Variants in SON observed in about 807,000 individuals in gnomAD.
SON encodes protein SON.
In SON, 4 loss-of-function variants were observed where a neutral mutation model predicts 173.3. The ratio of observed to expected loss-of-function variants is 0.02; its 90% confidence interval spans 0.01 to 0.05. The LOEUF (loss-of-function observed/expected upper bound fraction) is 0.05. SON is among the 10% of genes least tolerant of loss of function. The pLI is 1.00. For synonymous variants in SON, 1,190 were observed against 1,105.9 expected (o/e 1.08, Z -1.51); for missense variants, 2,626 against 3,055.3 (o/e 0.86, Z 3.31).
At chr21:33,575,448 AAG>A (rs751050454) in intron 9 of SON, 146 bp from the exon 10 acceptor site, 2 of 510,690 alleles carry the variant, frequency 3.9e-6, no homozygotes, top group South Asian at 6.8e-5. Flanking sequence ...AAAGAGAAGA[AAG>A]AGAAGATTGA....
intron 2 of SON, among the ~76,000 whole-genome samples, chr21:33,548,003 G>A (rs367926363): frequency 2.0e-5 from 3 of 152,020 alleles, no homozygotes; most frequent in Admixed American, 6.5e-5. Flanking sequence ...GATTACAGGC[G>A]TGAGCCACAG....
In SON at chr21:33,573,334, A is replaced by C; in HGVS notation, c.6912A>C (p.Val2304=). 6.2e-7 allele frequency: 1 copy of C among 1,611,688 alleles called. No homozygotes were observed. Among genetic ancestry groups the C allele is most frequent in the Non-Finnish European group, 8.5e-7 (1 of 1,179,114 alleles). Reference sequence around the variant, plus strand: ...ATCAGTTCTTAAGAGCAGCCCCGGTAACTGGAGGAATGGGAGCCGTTTTGA... The same window carrying C: ...ATCAGTTCTTAAGAGCAGCCCCGGTCACTGGAGGAATGGGAGCCGTTTTGA... The part of the protein sequence containing the change: ...KKDQFLRAAP[V]TGGMGAVLMR... The change falls in exon 9 of 12, where the codon GTA becomes GTC. Residue 2304 remains valine (V), a synonymous_variant. Coordinates refer to ENST00000356577, the MANE Select transcript of SON (RefSeq NM_138927.4).
intron 7 of SON, among the ~76,000 whole-genome samples, chr21:33,568,247 C>G (rs1350015516): frequency 6.6e-6 from 1 of 152,230 alleles, no homozygotes; most frequent in African/African-American, 2.4e-5. Context: ...TATCCCAGCA[C>G]TTTGAAAGGC....
chr21:33,576,959 A>G lies in SON; in HGVS notation c.*535A>G, dbSNP rs2086415319. On this transcript the variant is annotated 3_prime_UTR_variant, in exon 12 of 12. Coordinates refer to ENST00000356577, the MANE Select transcript of SON (RefSeq NM_138927.4). ...AGTGAAGGGCTGTGCACCTTGTACT[A>G]TTTCACAATGGGTTCTGCTGGACAG... 2 of 195,800 alleles carry G rather than the reference A, an allele frequency of 1.0e-5. No individual in the cohort carries two copies. Among genetic ancestry groups the G allele is most frequent in the South Asian group, 1.9e-4 (2 of 10,646 alleles). 12.1% of individuals were successfully genotyped at this position (195,800 alleles called of 1,614,324 possible).
intron 9 of SON, among the ~76,000 whole-genome samples, chr21:33,573,722 T>C (rs890161126): frequency 5.3e-5 from 8 of 152,240 alleles, no homozygotes; most frequent in Non-Finnish European, 1.0e-4. Flanking sequence ...AATTTTATTA[T>C]TACACCTCCA....
rs1426551396 is a variant in SON, at chr21:33,554,626, A to G, written c.5395A>G (p.Thr1799Ala). 3.7e-6 allele frequency: 6 copies of G among 1,613,440 alleles called. No individual in the cohort carries two copies. Among genetic ancestry groups the G allele is most frequent in the Admixed American group, 3.3e-5 (2 of 59,880 alleles). ...DYEIFVKVKDTHEKSKKNKNR... is the reference protein window; with the variant it reads ...DYEIFVKVKDAHEKSKKNKNR... ...TGAAATTTTTGTAAAAGTTAAGGAC[A>G]CTCACGAAAAAAGCAAGAAAAATAA... The change falls in exon 3 of 12, where the codon ACT (threonine) becomes GCT (alanine). Residue 1799 changes from threonine to alanine, a missense_variant. Physicochemically the swap from Thr to Ala is moderately conservative, Grantham distance 58. Around this residue, in one of 13 missense-constraint regions of SON, gnomAD observed 1,006 missense variants for 895.6 expected, o/e 1.12. Coordinates refer to ENST00000356577, the MANE Select transcript of SON (RefSeq NM_138927.4).
intron 4 of SON, chr21:33,557,702 A>G: frequency 7.0e-6 from 10 of 1,438,198 alleles, no homozygotes; most frequent in Non-Finnish European, 9.1e-6. Flanking sequence ...AGACACAGAC[A>G]ATCTTCAGAA....
chr21:33,546,290 C>T lies in SON; in HGVS notation c.155C>T (p.Ser52Phe). 1 of 1,613,600 alleles carries T rather than the reference C, an allele frequency of 6.2e-7. No individual in the cohort carries two copies. Among genetic ancestry groups the T allele is most frequent in the Non-Finnish European group, 8.5e-7 (1 of 1,179,634 alleles). The change falls in exon 2 of 12, where the codon TCT becomes TTT. Residue 52 changes from serine (S) to phenylalanine (F), a missense_variant. By Grantham distance (155) the Ser-to-Phe change is radical. Transcript: ENST00000356577. ...AACCAGGCGGGTGATGCAGCTGCCT[C>T]TGCCAGGAGTCTACCAAATGAAGAA... ...EGNQAGDAAA[S>F]ARSLPNEEIV... is the part of the protein sequence containing the mutation.
chr21:33,543,209 T>TGGG, intron 1 of SON, 40 bp downstream of exon 1: 1 of 1,543,792 alleles, frequency 6.5e-7, no homozygotes, highest in Non-Finnish European at 9.0e-7. Flanking sequence ...AACGGACCGT[T>TGGG]AGGCCCTCAC....
In SON at chr21:33,551,244, G is replaced by A; in HGVS notation, c.2013G>A (p.Gln671=). 6.2e-7 allele frequency: 1 copy of A among 1,614,160 alleles called. No homozygotes were observed. Among genetic ancestry groups the A allele is most frequent in the Non-Finnish European group, 8.5e-7 (1 of 1,179,996 alleles). The change falls in exon 3 of 12, where the codon CAG becomes CAA. Residue 671 remains glutamine (Q), a synonymous_variant. Transcript: ENST00000356577. ...AGCTGTCAACGATGACCGTGTCGCA[G>A]TCCCTGGAGGTGCCCTCGACGACAG... ...TSELSTMTVS[Q]SLEVPSTTAL...
At chr21:33,556,582 C>G (rs2085970733) in intron 3 of SON, among the ~76,000 whole-genome samples, 1 of 151,948 alleles carries the variant, frequency 6.6e-6, no homozygotes, top group East Asian at 1.9e-4. Flanking sequence ...GGTGTGGTGG[C>G]ACGCGCCTGT....
Position 33,573,440 on chromosome 21 carries a change from A to C in SON, c.7018A>C (p.Lys2340Gln). ...GNKEPILVDFKTDRKGLVAVG... is the reference protein window; with the variant it reads ...GNKEPILVDFQTDRKGLVAVG... The stretch of plus-strand genomic sequence containing the variant: ...TAAGGAACCCATCCTAGTTGATTTT[A>C]AGACAGACCGAAAAGGTAACAAGTT... The change falls in exon 9 of 12, where the codon AAG becomes CAG. Residue 2340 changes from lysine (K) to glutamine (Q), a missense_variant. This residue lies in a region of SON where 9 missense variants were observed against 100.5 expected (regional missense o/e 0.09). Transcript: ENST00000356577. 1.2e-6 allele frequency: 2 copies of C among 1,610,894 alleles called. No homozygotes were observed. The highest frequency in any genetic ancestry group is 1.7e-6 in the Non-Finnish European group (2 of 1,178,912).
chr21:33,576,322 T>C (rs769081047), intron 11 of SON, 43 bp from the exon 12 acceptor site: 1 of 935,612 alleles, frequency 1.1e-6, no homozygotes, highest in South Asian at 1.3e-5. Flanking sequence ...CTAATAGATA[T>C]TAAAGTTTGA....
At chr21:33,557,636 T>C (rs77182183) in intron 4 of SON, 1 of 1,543,492 alleles carries the variant, frequency 6.5e-7, no homozygotes, top group East Asian at 2.4e-5. Flanking sequence ...GCCTACAGTT[T>C]CGTTTCCATT....
rs199949713 is a variant in SON at position 33,566,547 on chromosome 21, A to G, written c.6658-610A>G. 3.3e-5 allele frequency among the ~76,000 whole-genome samples: 5 copies of G among 152,264 alleles called. No homozygotes were observed. The East Asian group carries it at 7.7e-4, about 23-fold the overall frequency. Reference sequence around the variant, plus strand: ...TTATAAATAGTGTAATATACTTAATATAAGTAATAAGTGTGTATAAACTGA... The same window carrying G: ...TTATAAATAGTGTAATATACTTAATGTAAGTAATAAGTGTGTATAAACTGA... On this transcript the variant is annotated intron_variant, in intron 6 of 11. Transcript: ENST00000356577.
chr21:33,560,699 G>A, intron 6 of SON: 1 of 782,262 alleles, frequency 1.3e-6, no homozygotes, highest in Admixed American at 6.2e-5. Context: ...TGGGGGATGT[G>A]GGAGGGTGGA....
intron 9 of SON, among the ~76,000 whole-genome samples, chr21:33,574,073 C>T (rs922143567): frequency 1.3e-5 from 2 of 152,176 alleles, no homozygotes; most frequent in Admixed American, 6.5e-5. Context: ...ACTGTGTCTT[C>T]TATGTAGCTT....
In SON at chr21:33,543,088, A is replaced by G. The variant is rs773531584; in HGVS notation, c.-5A>G. 3.1e-6 allele frequency: 5 copies of G among 1,614,000 alleles called. No homozygotes were observed. The South Asian group carries it at 5.5e-5, about 18-fold the overall frequency. ...AGGAGGAGTTGAGAGAACGGAGCGG[A>G]CGCCATGGCGACCAACATCGAGCAG... On this transcript the variant is annotated 5_prime_UTR_variant, in exon 1 of 12. Transcript: ENST00000356577.
Position 33,566,035 on chromosome 21 carries a change from C to T in SON, c.6658-1122C>T, listed in dbSNP as rs576000849. Among the ~76,000 whole-genome samples, 128 of 152,220 alleles carry T rather than the reference C, an allele frequency of 8.4e-4. 1 individual carries two copies. Among genetic ancestry groups the T allele is most frequent in the African/African-American group, 3.0e-3 (123 of 41,560 alleles). ...TTATTCTTAAGAGAAGTCTTTTATA[C>T]ATGATACATAGTCTTAATTACAGCT... On this transcript the variant is annotated intron_variant, in intron 6 of 11. Transcript: ENST00000356577.
Sources: allele counts gnomAD v4.1 joint callset (sites outside exome capture counted in the v4.1 genomes callset), GRCh38; gene constraint gnomAD v4.1.1; regional missense constraint gnomAD v4.1.1; transcripts MANE v1.5; gene names NCBI Gene and HGNC (gene_info 2026-07-23, HGNC 2026-07-21).